Variants in ZCCHC24 observed in about 807,000 individuals in gnomAD.
ZCCHC24 encodes zinc finger CCHC domain-containing protein 24.
ZCCHC24 carries 10 observed loss-of-function variants against 26.2 expected under a neutral mutation model. The observed-to-expected ratio is 0.38, with a 90% confidence interval of 0.24 to 0.65. The LOEUF (loss-of-function observed/expected upper bound fraction) is 0.65, where lower values mean the gene tolerates loss of function less well. Among genes scored for constraint, ZCCHC24 ranks in the 30% least tolerant of loss-of-function variants. ZCCHC24 has a pLI of 0.54. For synonymous variants in ZCCHC24, 144 were observed against 147.1 expected (o/e 0.98, Z 0.15); for missense variants, 243 against 329.1 (o/e 0.74, Z 2.03).
In ZCCHC24 at chr10:79,386,287, G is replaced by A. The variant is rs780122414; in HGVS notation, c.*58C>T. 1 of 1,525,772 alleles carries A rather than the reference G, an allele frequency of 6.6e-7. No individual in the cohort carries two copies. The highest frequency in any genetic ancestry group is 9.0e-7 in the Non-Finnish European group (1 of 1,110,854). 94.5% of individuals were successfully genotyped at this position (1,525,772 alleles called of 1,614,324 possible). A position where few individuals can be genotyped will look rare whatever the true frequency, so the allele number is the denominator to read the frequency against. On this transcript the variant is annotated 3_prime_UTR_variant, in exon 4 of 4. Coordinates refer to ENST00000372336, the MANE Select transcript of ZCCHC24 (RefSeq NM_153367.4). ...CACGCAGCCCCTCGGAGTAGCACAGGGAAGCAGCGTCTCCTCGGGCTGGCG... is the reference window on the plus strand; with the variant it reads ...CACGCAGCCCCTCGGAGTAGCACAGAGAAGCAGCGTCTCCTCGGGCTGGCG...
intron 1 of ZCCHC24, among the ~76,000 whole-genome samples, chr10:79,441,621 G>A (rs1384461031): frequency 6.6e-6 from 1 of 152,098 alleles, no homozygotes; most frequent in East Asian, 1.9e-4. Flanking sequence ...AGGTTAACAG[G>A]TTTTGCACTG....
At position 79,434,889 on chromosome 10, in the gene ZCCHC24, C is replaced by T. The variant is rs867527081; in HGVS notation, c.247-2131G>A. ...AAACTCCATGCCCGTGAAACAACAA[C>T]GCCCCCGCCTACTGCAGCCCAATCT... On this transcript the variant is annotated intron_variant, in intron 1 of 3. Coordinates refer to ENST00000372336, the MANE Select transcript of ZCCHC24 (RefSeq NM_153367.4). 1.2e-4 allele frequency among the ~76,000 whole-genome samples: 18 copies of T among 150,582 alleles called. 1 individual carries two copies. The highest frequency in any genetic ancestry group is 8.3e-4 in the South Asian group (4 of 4,826).
Position 79,445,614 on chromosome 10 carries a change from T to G in ZCCHC24, c.-174A>C. 1 of 401,320 alleles carries G rather than the reference T, an allele frequency of 2.5e-6. No homozygotes were observed. The highest frequency in any genetic ancestry group is 3.4e-6 in the Non-Finnish European group (1 of 295,356). 24.9% of individuals were successfully genotyped at this position (401,320 alleles called of 1,614,324 possible). ...CGCAGCCGCTGCCGCTGCCGCCGCC[T>G]CCCCCCGACTGCGGCCCCGGCGCGC... On this transcript the variant is annotated 5_prime_UTR_variant, in exon 1 of 4. Coordinates refer to ENST00000372336, the MANE Select transcript of ZCCHC24 (RefSeq NM_153367.4).
chr10:79,443,263 G>A (rs1384876663), intron 1 of ZCCHC24, among the ~76,000 whole-genome samples: 2 of 152,146 alleles, frequency 1.3e-5, no homozygotes, highest in Non-Finnish European at 2.9e-5. Context: ...ACTGAGCTCC[G>A]GTTGGGATCC....
chr10:79,406,688 T>A (rs2132190357), intron 2 of ZCCHC24, among the ~76,000 whole-genome samples: 2 of 152,264 alleles, frequency 1.3e-5, no homozygotes, highest in South Asian at 2.1e-4. Flanking sequence ...CCCCTACAGA[T>A]GAGGAATCCA....
At chr10:79,442,198 T>C (rs1433557625) in intron 1 of ZCCHC24, among the ~76,000 whole-genome samples, 1 of 152,212 alleles carries the variant, frequency 6.6e-6, no homozygotes, top group Non-Finnish European at 1.5e-5. Context: ...GCCTAGTTTG[T>C]AGACCCAGAA....
chr10:79,425,579 C>A (rs563377843), intron 2 of ZCCHC24, among the ~76,000 whole-genome samples: 1 of 152,286 alleles, frequency 6.6e-6, no homozygotes, highest in Admixed American at 6.5e-5. Flanking sequence ...ATCAGGAGCA[C>A]CTGAGTTCCA....
chr10:79,414,295 G>A (rs956634601), intron 2 of ZCCHC24, among the ~76,000 whole-genome samples: 1 of 152,214 alleles, frequency 6.6e-6, no homozygotes, highest in African/African-American at 2.4e-5. Context: ...TGAATGTGTT[G>A]GAATTACAGA....
chr10:79,397,146 G>A (rs1856557713), intron 2 of ZCCHC24, among the ~76,000 whole-genome samples: 2 of 152,220 alleles, frequency 1.3e-5, no homozygotes, highest in Admixed American at 6.5e-5. Flanking sequence ...TGCTGAGTGC[G>A]CAGATCTAAA....
intron 2 of ZCCHC24, among the ~76,000 whole-genome samples, chr10:79,408,261 G>A (rs181531284): frequency 1.1e-3 from 163 of 152,300 alleles, no homozygotes; most frequent in African/African-American, 3.2e-3. Context: ...CTGCCTGCAC[G>A]ACTCCTGGCT....
chr10:79,443,913 T>G lies in ZCCHC24; in HGVS notation c.246+1282A>C, dbSNP rs565849740. On this transcript the variant is annotated intron_variant, in intron 1 of 3. Coordinates refer to ENST00000372336, the MANE Select transcript of ZCCHC24 (RefSeq NM_153367.4). ...CCCACGCCTGTTCTACCCACCCAGG[T>G]CAACAGGTCAGCCTGGGTAGTGTTG... Among the ~76,000 whole-genome samples, 40 of 152,318 alleles carry G rather than the reference T, an allele frequency of 2.6e-4. 1 individual carries two copies. The South Asian group carries it at 8.3e-3, about 32-fold the overall frequency.
intron 2 of ZCCHC24, among the ~76,000 whole-genome samples, chr10:79,413,065 T>C (rs1192556749): frequency 6.6e-6 from 1 of 152,218 alleles, no homozygotes; most frequent in South Asian, 2.1e-4. Context: ...TGAAGGATTA[T>C]ATGGAAGTCT....
At position 79,384,273 on chromosome 10, in the gene ZCCHC24, G is replaced by A. The variant is rs1376469616; in HGVS notation, c.*2072C>T. 1.3e-5 allele frequency: 2 copies of A among 152,404 alleles called. No individual in the cohort carries two copies. The highest frequency in any genetic ancestry group is 2.9e-5 in the Non-Finnish European group (2 of 68,102). 9.4% of individuals were successfully genotyped at this position (152,404 alleles called of 1,614,324 possible). ...GTCTGGGGCCTGGGTTAGTTTTAGGGTGTGGGCCCCCCACCTTTGCAGCAC... is the reference window on the plus strand; with the variant it reads ...GTCTGGGGCCTGGGTTAGTTTTAGGATGTGGGCCCCCCACCTTTGCAGCAC... On this transcript the variant is annotated 3_prime_UTR_variant, in exon 4 of 4. Coordinates refer to ENST00000372336, the MANE Select transcript of ZCCHC24 (RefSeq NM_153367.4).
At chr10:79,439,135 A>G (rs1012277959) in intron 1 of ZCCHC24, among the ~76,000 whole-genome samples, 2 of 152,182 alleles carry the variant, frequency 1.3e-5, no homozygotes, top group African/African-American at 4.8e-5. Flanking sequence ...ACATGCAAAC[A>G]TGTGTATATG....
chr10:79,436,075 G>A (rs187813650), intron 1 of ZCCHC24, among the ~76,000 whole-genome samples: 2 of 152,320 alleles, frequency 1.3e-5, no homozygotes, highest in Non-Finnish European at 2.9e-5. Context: ...GACGCCCCTG[G>A]AGCCTGGCAT....
intron 2 of ZCCHC24, among the ~76,000 whole-genome samples, chr10:79,415,327 T>C (rs1856844813): frequency 6.6e-6 from 1 of 152,096 alleles, no homozygotes; most frequent in Non-Finnish European, 1.5e-5. Flanking sequence ...CTTGGCCCCT[T>C]GAAGTCAAAA....
chr10:79,388,383 C>G (rs1217220859), intron 3 of ZCCHC24, among the ~76,000 whole-genome samples: 2 of 152,234 alleles, frequency 1.3e-5, no homozygotes, highest in African/African-American at 4.8e-5. Context: ...AACAGCTCCT[C>G]CATCTGGGGC....
chr10:79,394,612 C>T, intron 2 of ZCCHC24, 172 bp from the exon 3 acceptor site: 1 of 985,444 alleles, frequency 1.0e-6, no homozygotes, highest in Non-Finnish European at 1.2e-6. Flanking sequence ...AGACGGGAAT[C>T]CGAAGGCTGG....
rs5786399 is a variant in ZCCHC24 at position 79,389,529 on chromosome 10, A to AGTGTGTGTGTGTGTGT, written c.613-3087_613-3072dup. ...TAATAACATTCACTGACTTTTTCCT[A>AGTGTGTGTGTGTGTGT]GTGTGTGTGTGTGTGTGTGTGTGTG... is the stretch of plus-strand genomic sequence containing the variant. On this transcript the variant is annotated intron_variant, in intron 3 of 3. Coordinates refer to ENST00000372336, the MANE Select transcript of ZCCHC24 (RefSeq NM_153367.4). Among the ~76,000 whole-genome samples, 438 of 146,322 alleles carry AGTGTGTGTGTGTGTGT rather than the reference A, an allele frequency of 3.0e-3. 3 individuals are homozygous for AGTGTGTGTGTGTGTGT. The highest frequency in any genetic ancestry group is 0.011 in the African/African-American group (414 of 39,196).
Sources: allele counts gnomAD v4.1 joint callset (sites outside exome capture counted in the v4.1 genomes callset), GRCh38; gene constraint gnomAD v4.1.1; transcripts MANE v1.5; gene names NCBI Gene and HGNC (gene_info 2026-07-23, HGNC 2026-07-21).